Variants in GALNS observed in about 807,000 individuals in gnomAD.
GALNS encodes N-acetylgalactosamine-6-sulfatase.
A neutral mutation model predicts 65.9 loss-of-function variants in GALNS; 65 were observed. The observed-to-expected ratio is 0.99, with a 90% CI of 0.81 to 1.21. The LOEUF (loss-of-function observed/expected upper bound fraction) is 1.21. GALNS is among the 50% of genes most tolerant of loss of function. The pLI is 0.00. For synonymous variants in GALNS, 346 were observed against 288.9 expected (o/e 1.20, Z -2.00); for missense variants, 776 against 700.7 (o/e 1.11, Z -1.21).
rs528666836 is a variant in GALNS at position 88,825,498 on chromosome 16, G to A, written c.1140-629C>T. 2.5e-4 allele frequency among the ~76,000 whole-genome samples: 35 copies of A among 138,386 alleles called. No individual in the cohort carries two copies. The South Asian group carries it at 8.5e-3, about 33-fold the overall frequency. 90.8% of individuals were successfully genotyped at this position (138,386 alleles called of 152,430 possible). A position where few individuals can be genotyped will look rare whatever the true frequency, so the allele number is the denominator to read the frequency against. On this transcript the variant is annotated intron_variant, in intron 10 of 13. Coordinates refer to ENST00000268695, the MANE Select transcript of GALNS (RefSeq NM_000512.5). The stretch of plus-strand genomic sequence containing the variant: ...GGGTGTCTGGGCGGCCGGGGCTGGG[G>A]TGCCTGGATGTCTGGGGCTGGGGTT...
At chr16:88,820,807 C>T (rs1200790864) in intron 12 of GALNS, among the ~76,000 whole-genome samples, 1 of 152,240 alleles carries the variant, frequency 6.6e-6, no homozygotes, top group Non-Finnish European at 1.5e-5. Flanking sequence ...GCCATCCAGG[C>T]TTTAACCTCG....
chr16:88,843,374 T>C, intron 1 of GALNS: 1 of 463,866 alleles, frequency 2.2e-6, no homozygotes, highest in Admixed American at 3.4e-5. Context: ...CACGCAGGCC[T>C]GCATACGAGC....
chr16:88,841,413 C>G (rs1442596643), intron 3 of GALNS, among the ~76,000 whole-genome samples: 1 of 152,158 alleles, frequency 6.6e-6, no homozygotes, highest in Admixed American at 6.5e-5. Context: ...TGCCTGGTCT[C>G]CAGGGGTCTC....
intron 1 of GALNS, chr16:88,856,353 T>C: frequency 1.4e-6 from 1 of 701,988 alleles, no homozygotes; most frequent in South Asian, 1.5e-5. Context: ...TCTTCCTCCC[T>C]TTGGGGAGGC....
At chr16:88,816,881 C>T (rs117938568) in intron 13 of GALNS, 19,476 of 985,398 alleles carry the variant, frequency 0.02, 284 homozygotes, top group South Asian at 0.071. Flanking sequence ...CGCGGCAGAT[C>T]CAGGGGCTGT....
At chr16:88,817,297 T>G (rs1909731090) in intron 13 of GALNS, 1 of 985,272 alleles carries the variant, frequency 1.0e-6, no homozygotes. Context: ...AGTGAAACTT[T>G]GGAGGCACGT....
intron 12 of GALNS, among the ~76,000 whole-genome samples, chr16:88,818,849 C>G (rs2142985316): frequency 6.6e-6 from 1 of 152,380 alleles, no homozygotes; most frequent in East Asian, 1.9e-4. Context: ...GGAGGAACTT[C>G]TGCGAGTGTG....
At chr16:88,820,514 C>T (rs1221385924) in intron 12 of GALNS, among the ~76,000 whole-genome samples, 2 of 152,254 alleles carry the variant, frequency 1.3e-5, no homozygotes, top group Non-Finnish European at 2.9e-5. Context: ...CAGGCTGTGT[C>T]ATGGGTGTGT....
At position 88,835,708 on chromosome 16, in the gene GALNS, A is replaced by G. The variant is rs372300308; in HGVS notation, c.758+17T>C. The stretch of plus-strand genomic sequence containing the variant: ...GGGCCTCCAGCGAGGTCTATGCTCC[A>G]TGGAGCCAGGACTCACCGCCCTCGC... On this transcript the variant is annotated intron_variant, in intron 7 of 13. Transcript: ENST00000268695. The G allele has an allele frequency of 1.9e-6, 3 of 1,613,706 alleles. No homozygotes were observed. Among genetic ancestry groups the G allele is most frequent in the East Asian group, 4.5e-5 (2 of 44,888 alleles).
intron 9 of GALNS, chr16:88,827,111 A>G: frequency 1.8e-6 from 1 of 560,364 alleles, no homozygotes; most frequent in Non-Finnish European, 3.2e-6. Flanking sequence ...GGAGAATCAC[A>G]GCCCTCCCAG....
At chr16:88,819,371 G>C (rs1238390802) in intron 12 of GALNS, among the ~76,000 whole-genome samples, 1 of 152,178 alleles carries the variant, frequency 6.6e-6, no homozygotes, top group Non-Finnish European at 1.5e-5. Flanking sequence ...CAGCGCCCCT[G>C]AGCACAGGGT....
chr16:88,836,376 C>G, intron 5 of GALNS, 109 bp from the exon 6 acceptor site: 1 of 896,878 alleles, frequency 1.1e-6, no homozygotes, highest in East Asian at 2.6e-5. Flanking sequence ...AAGGCTAGGG[C>G]TGGGCGTCAT....
chr16:88,845,626 A>T (rs1967208732), intron 1 of GALNS: 1 of 149,196 alleles, frequency 6.7e-6, no homozygotes, highest in Non-Finnish European at 1.5e-5. Flanking sequence ...GGGCACCTGT[A>T]CCAGCTACTT....
At chr16:88,815,722 A>G in intron 13 of GALNS, 1 of 985,476 alleles carries the variant, frequency 1.0e-6, no homozygotes, top group Non-Finnish European at 1.2e-6. Context: ...GACAGTCTCC[A>G]GCCCTAGGCG....
chr16:88,840,673 C>T (rs1199864649), intron 4 of GALNS: 11 of 424,666 alleles, frequency 2.6e-5, no homozygotes, highest in Admixed American at 2.5e-4. Context: ...CCAAGGACGA[C>T]GTGGCAGGAG....
chr16:88,817,952 G>C lies in GALNS; in HGVS notation c.1482+55C>G. 2.1e-6 allele frequency: 3 copies of C among 1,412,050 alleles called. No homozygotes were observed. In the South Asian group the frequency reaches 3.7e-5, roughly 17 times the overall value. The allele number at this position is 1,412,050 out of a possible 1,614,324, so 87.5% of individuals were successfully genotyped here. A position where few individuals can be genotyped will look rare whatever the true frequency, so the allele number is the denominator to read the frequency against. ...TGGCCACGGTTCATCCTGGGCCCCG[G>C]GTGGGTGGCTGCAGCCCCGGCAAAG... On this transcript the variant is annotated intron_variant, in intron 13 of 13. Coordinates refer to ENST00000268695, the MANE Select transcript of GALNS (RefSeq NM_000512.5).
chr16:88,819,685 C>T (rs191058061), intron 12 of GALNS, among the ~76,000 whole-genome samples: 1 of 151,934 alleles, frequency 6.6e-6, no homozygotes, highest in Non-Finnish European at 1.5e-5. Flanking sequence ...GATCACTGTG[C>T]CTGGCTAATT....
chr16:88,835,219 C>CG lies in GALNS; in HGVS notation c.891dup (p.Glu298ArgfsTer18). ...AGTGACAGCGAGCACTCACCTTGTT[C>CG]GGGGGCGGAAATGAGGGCAGCGCCG... On this transcript the variant is annotated frameshift_variant, in exon 8 of 14. Coordinates refer to ENST00000268695, the MANE Select transcript of GALNS (RefSeq NM_000512.5). LOFTEE classifies it high-confidence loss of function. 6.3e-7 allele frequency: 1 copy of CG among 1,584,120 alleles called. No individual in the cohort carries two copies. The highest frequency in any genetic ancestry group is 8.6e-7 in the Non-Finnish European group (1 of 1,163,810).
At chr16:88,839,608 C>G (rs902092774) in intron 4 of GALNS, among the ~76,000 whole-genome samples, 1 of 152,156 alleles carries the variant, frequency 6.6e-6, no homozygotes, top group Non-Finnish European at 1.5e-5. Context: ...ACCCCTACTG[C>G]CCTGAGAGGG....
Sources: gnomAD v4.1 joint callset for allele counts (sites outside exome capture counted in the v4.1 genomes callset) on GRCh38, gnomAD v4.1.1 for gene constraint, MANE v1.5 for transcripts, NCBI Gene and HGNC (gene_info 2026-07-23, HGNC 2026-07-21) for gene names.